Variants in GRID2 observed in about 807,000 individuals in gnomAD.
GRID2 encodes glutamate ionotropic receptor delta type subunit 2, also known as glutamate receptor ionotropic, delta-2.
A neutral mutation model predicts 114.8 loss-of-function variants in GRID2; 33 were observed. That is an observed-to-expected ratio of 0.29 (90% CI 0.22 to 0.38). The LOEUF is 0.38. Among genes scored for constraint, GRID2 ranks in the 10% least tolerant of loss-of-function variants. GRID2 has a pLI of 1.00. For synonymous variants in GRID2, 505 were observed against 449.9 expected, an observed-to-expected ratio of 1.12 and a Z score of -1.55; for missense variants, 1,184 against 1,257.7, an observed-to-expected ratio of 0.94 and a Z score of 0.89.
intron 4 of GRID2, among the ~76,000 whole-genome samples, chr4:93,196,309 G>A (rs564388957): frequency 6.6e-6 from 1 of 152,244 alleles, no homozygotes; most frequent in South Asian, 2.1e-4. Flanking sequence ...TACCTCCTGA[G>A]CTTACTTTGA....
At chr4:93,262,938 T>C (rs1052439540) in intron 8 of GRID2, among the ~76,000 whole-genome samples, 1 of 151,998 alleles carries the variant, frequency 6.6e-6, no homozygotes, top group Non-Finnish European at 1.5e-5. Context: ...CCAGAAGTTA[T>C]GAAAGTGCCT....
Position 92,337,820 on chromosome 4 carries a change from A to G in GRID2, c.88+33076A>G, listed in dbSNP as rs142618033. Among the ~76,000 whole-genome samples, 28 of 152,314 alleles carry G rather than the reference A, an allele frequency of 1.8e-4. 2 individuals carry two copies. In the East Asian group the frequency reaches 5.4e-3, roughly 29 times the overall value. On this transcript the variant is annotated intron_variant, in intron 1 of 15. Transcript: ENST00000282020. ...CACTAGGCAAATAAATGGTTCCAGA[A>G]GAAGTCTTTCCTGAGCCAGATTCCA...
chr4:92,766,517 A>G (rs1184867952), intron 2 of GRID2, among the ~76,000 whole-genome samples: 1 of 142,460 alleles, frequency 7.0e-6, no homozygotes, highest in East Asian at 2.1e-4. Flanking sequence ...AGCTTGGGCG[A>G]CAGAGCAAGA....
At chr4:93,144,778 G>A (rs189446299) in intron 4 of GRID2, among the ~76,000 whole-genome samples, 35 of 152,264 alleles carry the variant, frequency 2.3e-4, no homozygotes, top group South Asian at 1.9e-3. Flanking sequence ...AAATACTGGA[G>A]ACTGAAATGG....
At chr4:93,458,382 C>T (rs1475336476) in intron 11 of GRID2, among the ~76,000 whole-genome samples, 1 of 152,162 alleles carries the variant, frequency 6.6e-6, no homozygotes, top group Non-Finnish European at 1.5e-5. Context: ...TTGTTCATTT[C>T]ACTCACATGT....
intron 14 of GRID2, among the ~76,000 whole-genome samples, chr4:93,741,741 T>C (rs1395318013): frequency 6.6e-6 from 1 of 151,988 alleles, no homozygotes; most frequent in East Asian, 1.9e-4. Context: ...CTGGCTAACA[T>C]GGTGAAACCC....
intron 2 of GRID2, among the ~76,000 whole-genome samples, chr4:93,073,970 A>C (rs1729042488): frequency 6.6e-6 from 1 of 152,234 alleles, no homozygotes. Context: ...TGTCTACCAC[A>C]GGGGAAGGAC....
chr4:93,324,696 T>C (rs892823963), intron 8 of GRID2, among the ~76,000 whole-genome samples: 1 of 152,178 alleles, frequency 6.6e-6, no homozygotes, highest in African/African-American at 2.4e-5. Context: ...GGCTATTAAT[T>C]ATTGCCTCAA....
intron 14 of GRID2, among the ~76,000 whole-genome samples, chr4:93,738,652 C>A (rs76738414): frequency 0.045 from 6,871 of 152,026 alleles, 254 homozygotes; most frequent in African/African-American, 0.095. Context: ...TTTATGGTGA[C>A]AAGGAAAACT....
At chr4:93,755,998 G>A (rs577878870) in intron 14 of GRID2, among the ~76,000 whole-genome samples, 3 of 152,138 alleles carry the variant, frequency 2.0e-5, no homozygotes, top group African/African-American at 4.8e-5. Context: ...ATAAAATTTG[G>A]TACTTACCTG....
At chr4:93,554,145 T>G (rs959353623) in intron 13 of GRID2, among the ~76,000 whole-genome samples, 1 of 152,074 alleles carries the variant, frequency 6.6e-6, no homozygotes, top group Non-Finnish European at 1.5e-5. Context: ...TTGAAGAAAA[T>G]TACCACTATG....
rs1163397416 is a variant in GRID2, at chr4:93,316,331, A to G, written c.1245+77841A>G. Among the ~76,000 whole-genome samples the G allele has an allele frequency of 5.2e-3, 251 of 47,938 alleles. 2 individuals are homozygous for G. Among genetic ancestry groups the G allele is most frequent in the African/African-American group, 0.023 (235 of 10,192 alleles). The allele number at this position is 47,938 out of a possible 152,430, so 31.4% of individuals were successfully genotyped here. On this transcript the variant is annotated intron_variant, in intron 8 of 15. Coordinates refer to ENST00000282020, the MANE Select transcript of GRID2 (RefSeq NM_001510.4). ...AAGAAAGAAAGAAAGAAAGAAAGAA[A>G]GAAAGAAAGAAGGAAGGAAGGAAGG...
chr4:93,554,517 A>C (rs938020571), intron 13 of GRID2, among the ~76,000 whole-genome samples: 1 of 152,306 alleles, frequency 6.6e-6, no homozygotes, highest in East Asian at 1.9e-4. Flanking sequence ...GACACAAGAT[A>C]TAATGTGTAA....
At chr4:92,477,764 C>T (rs2149101635) in intron 1 of GRID2, among the ~76,000 whole-genome samples, 1 of 146,672 alleles carries the variant, frequency 6.8e-6, no homozygotes, top group Non-Finnish European at 1.5e-5. Flanking sequence ...TTTATATATC[C>T]TCTTTTATAT....
At chr4:93,806,346 T>C (rs1053069835) in intron 1 of GRID2, among the ~76,000 whole-genome samples, 4 of 152,202 alleles carry the variant, frequency 2.6e-5, no homozygotes, top group Admixed American at 1.3e-4. Context: ...TTGGTAGAAC[T>C]CTCTGTTGAC....
intron 1 of GRID2, among the ~76,000 whole-genome samples, chr4:92,390,989 A>C (rs1364967654): frequency 3.3e-5 from 5 of 152,198 alleles, no homozygotes; most frequent in Admixed American, 6.6e-5. Context: ...AGATTATTGG[A>C]TTCAACTTGG....
intron 14 of GRID2, among the ~76,000 whole-genome samples, chr4:93,669,417 A>G (rs1724213589): frequency 6.6e-6 from 1 of 152,076 alleles, no homozygotes; most frequent in Admixed American, 6.6e-5. Flanking sequence ...TATATTGGCC[A>G]TTTTATTATT....
At chr4:93,779,624 C>T (rs960022754) in intron 1 of GRID2, among the ~76,000 whole-genome samples, 1 of 152,132 alleles carries the variant, frequency 6.6e-6, no homozygotes, top group Admixed American at 6.5e-5. Context: ...CACCATGTTG[C>T]AGAGTATGTT....
chr4:93,089,376 A>G (rs1363735190), intron 3 of GRID2, among the ~76,000 whole-genome samples: 1 of 152,180 alleles, frequency 6.6e-6, no homozygotes, highest in Non-Finnish European at 1.5e-5. Context: ...TGGAAATGAG[A>G]AAGTCATTGG....
Sources: allele counts gnomAD v4.1 joint callset (sites outside exome capture counted in the v4.1 genomes callset), GRCh38; gene constraint gnomAD v4.1.1; transcripts MANE v1.5; gene names NCBI Gene and HGNC (gene_info 2026-07-23, HGNC 2026-07-21).